DOCK9: variants seen among roughly 807,000 people sequenced by gnomAD.
DOCK9 encodes the protein dedicator of cytokinesis protein 9.
In DOCK9, 89 loss-of-function variants were observed where a neutral mutation model predicts 263.3. The observed-to-expected ratio is 0.34, with a 90% CI of 0.28 to 0.40. The LOEUF (loss-of-function observed/expected upper bound fraction) is 0.40, where lower values mean the gene tolerates loss of function less well. DOCK9 is among the 10% of genes least tolerant of loss of function. The probability of loss-of-function intolerance (pLI) is 1.00; values close to 1 mark genes in which losing one functional copy is unlikely to be tolerated. For missense variants in DOCK9, 2,140 were observed against 2,603.4 expected, an observed-to-expected ratio of 0.82 and a Z score of 3.87; for synonymous variants, 976 against 973.1, an observed-to-expected ratio of 1.00 and a Z score of -0.06.
At chr13:99,066,000 T>G (rs2041399319) in intron 1 of DOCK9, among the ~76,000 whole-genome samples, 1 of 152,272 alleles carries the variant, frequency 6.6e-6, no homozygotes, top group Admixed American at 6.5e-5. Context: ...TGTGCATGCT[T>G]ATTTGTTTGC....
At chr13:98,907,590 T>C (rs1216606106) in intron 9 of DOCK9, among the ~76,000 whole-genome samples, 7 of 152,226 alleles carry the variant, frequency 4.6e-5, no homozygotes, top group Non-Finnish European at 1.5e-5. Flanking sequence ...ACATCATTTA[T>C]TGGAAAAGAA....
chr13:98,966,208 G>A (rs2059176210), intron 1 of DOCK9, among the ~76,000 whole-genome samples: 1 of 152,240 alleles, frequency 6.6e-6, no homozygotes, highest in Non-Finnish European at 1.5e-5. Flanking sequence ...CATGAGGAGA[G>A]AGCTAGGTGG....
chr13:99,053,977 C>T (rs1426077715), intron 1 of DOCK9, among the ~76,000 whole-genome samples: 1 of 152,102 alleles, frequency 6.6e-6, no homozygotes, highest in Non-Finnish European at 1.5e-5. Flanking sequence ...AGAAGATTAT[C>T]TGCCTAACAC....
At chr13:99,000,808 T>C (rs1025173470) in intron 1 of DOCK9, among the ~76,000 whole-genome samples, 1 of 152,134 alleles carries the variant, frequency 6.6e-6, no homozygotes, top group Non-Finnish European at 1.5e-5. Flanking sequence ...ATTTTTACCA[T>C]AGTGTGATTT....
At chr13:98,811,424 G>GTT (rs34613809) in intron 45 of DOCK9, among the ~76,000 whole-genome samples, 73 of 149,952 alleles carry the variant, frequency 4.9e-4, no homozygotes, top group African/African-American at 1.1e-3. Context: ...TGTCTCTAGG[G>GTT]TTTTTTTTTT....
intron 39 of DOCK9, 87 bp downstream of exon 39, chr13:98,837,407 C>T: frequency 1.2e-6 from 1 of 842,988 alleles, no homozygotes; most frequent in Non-Finnish European, 1.9e-6. Context: ...AAAAATGCAA[C>T]ATAGTAAGTT....
In DOCK9 at chr13:98,888,689, G is replaced by C. The variant is rs1348933985; in HGVS notation, c.1732C>G (p.Pro578Ala). The change falls in exon 16 of 53, where the codon CCA (proline) becomes GCA (alanine). Residue 578 changes from proline (P) to alanine (A), a missense_variant. Transcript: ENST00000682017. ...ATGTCTAGATTGCCTAAAATCACTG[G>C]GAGCTTAGCCATCTTCTCAGGTCTG... Reference protein sequence around the residue: ...FRKPEKMAKLPVILGNLDITI... With the variant: ...FRKPEKMAKLAVILGNLDITI... 1 of 1,613,580 alleles carries C rather than the reference G, an allele frequency of 6.2e-7. No individual in the cohort carries two copies. Among genetic ancestry groups the C allele is most frequent in the East Asian group, 2.2e-5 (1 of 44,870 alleles).
In DOCK9 at chr13:99,074,277, G is replaced by A. The variant is rs370261546; in HGVS notation, c.129+11946C>T. The stretch of plus-strand genomic sequence containing the variant: ...ATATCAAGTAATTCAACTATTTCTT[G>A]TAATGTCATGACTTCTCTCTGTTTC... On this transcript the variant is annotated intron_variant, in intron 1 of 32. Coordinates refer to the DOCK9 transcript ENST00000427887. Among the ~76,000 whole-genome samples the A allele has an allele frequency of 1.6e-3, 243 of 152,360 alleles. 3 individuals are homozygous for A. Among genetic ancestry groups the A allele is most frequent in the South Asian group, 0.015 (71 of 4,830 alleles).
intron 47 of DOCK9, chr13:98,808,621 A>T (rs756421413): frequency 2.6e-6 from 4 of 1,552,766 alleles, no homozygotes; most frequent in Non-Finnish European, 3.5e-6. Context: ...CTTGCTTTTT[A>T]GGCATTTACT....
At chr13:99,013,180 T>G (rs113900440) in intron 1 of DOCK9, among the ~76,000 whole-genome samples, 1 of 152,174 alleles carries the variant, frequency 6.6e-6, no homozygotes, top group East Asian at 1.9e-4. Flanking sequence ...CACAGCTCAC[T>G]GTAAACTTGA....
intron 1 of DOCK9, among the ~76,000 whole-genome samples, chr13:98,995,483 T>C (rs1272607081): frequency 1.6e-5 from 2 of 123,216 alleles, no homozygotes; most frequent in East Asian, 2.8e-4. Flanking sequence ...TTGAGGAAGA[T>C]ACTTTTTTTT....
rs186895143 is a variant in DOCK9, at chr13:98,930,895, C to T, written c.244-638G>A. Reference sequence around the variant, plus strand: ...CTAATCTCAGGTGATCCACCCGCCTCGGCCTCCCAAAGTGCTGGGATTACA... The same window carrying T: ...CTAATCTCAGGTGATCCACCCGCCTTGGCCTCCCAAAGTGCTGGGATTACA... On this transcript the variant is annotated intron_variant, in intron 2 of 52. Coordinates refer to ENST00000682017, the MANE Select transcript of DOCK9 (RefSeq NM_001366683.2). 6.6e-5 allele frequency among the ~76,000 whole-genome samples: 10 copies of T among 152,328 alleles called. No individual in the cohort carries two copies. The East Asian group carries it at 1.4e-3, about 21-fold the overall frequency.
At chr13:98,946,007 T>G (rs2056649404) in intron 2 of DOCK9, among the ~76,000 whole-genome samples, 1 of 151,144 alleles carries the variant, frequency 6.6e-6, no homozygotes, top group Admixed American at 6.6e-5. Flanking sequence ...GTAAAGAATT[T>G]CCAGGGACAG....
chr13:98,875,882 G>C (rs1300423213), intron 27 of DOCK9, among the ~76,000 whole-genome samples: 1 of 152,150 alleles, frequency 6.6e-6, no homozygotes, highest in Admixed American at 6.5e-5. Flanking sequence ...CTCAGTAAAT[G>C]TAACAATGTA....
rs1387628626 is a variant in DOCK9 at position 98,794,694 on chromosome 13, T to G, written c.6211A>C (p.Asn2071His). The G allele has an allele frequency of 8.1e-6, 13 of 1,613,742 alleles. No homozygotes were observed. Among genetic ancestry groups the G allele is most frequent in the Non-Finnish European group, 1.1e-5 (13 of 1,179,874 alleles). The stretch of plus-strand genomic sequence containing the variant: ...CTTGTTGGAGTCCCACTGATGGCGT[T>G]GAAGATGTGAAGGGAATTCGGTAAG... ...SVLPNSLHIF[N>H]AISGTPTSTM... Residue 2071 changes from asparagine (N) to histidine (H), a missense_variant, in exon 53 of 53, where the codon AAC becomes CAC. Physicochemically the swap from Asn to His is moderately conservative, Grantham distance 68 (BLOSUM62 1). Around this residue, in one of 2 missense-constraint regions of DOCK9, gnomAD observed 619 missense variants for 861.8 expected, o/e 0.72. Transcript: ENST00000682017.
chr13:99,042,369 GAC>G (rs762143084), intron 1 of DOCK9, among the ~76,000 whole-genome samples: 1 of 152,290 alleles, frequency 6.6e-6, no homozygotes, highest in Non-Finnish European at 1.5e-5. Flanking sequence ...CCAGCGCAAG[GAC>G]ACTGTCCAGC....
At chr13:98,949,898 C>T in intron 2 of DOCK9, 2 of 475,958 alleles carry the variant, frequency 4.2e-6, no homozygotes, top group Admixed American at 4.5e-5. Context: ...TGAGGTCTCC[C>T]AGGCAAATGA....
rs755518048 is a variant in DOCK9, at chr13:98,886,533, T to C, written c.2135A>G (p.Glu712Gly). ...HHHQNPEFYDEIKIELPTQLH... is the reference protein window; with the variant it reads ...HHHQNPEFYDGIKIELPTQLH... ...TTTTCCCTTAAAAACATCACTTACC[T>C]CATCATAAAATTCTGGGTTTTGGTG... Residue 712 changes from glutamate (E) to glycine (G), a missense_variant and splice_region_variant, in exon 19 of 53, where the codon GAG becomes GGG. Physicochemically the swap from Glu to Gly is moderately conservative, Grantham distance 98. Transcript: ENST00000682017. 1 of 1,613,520 alleles carries C rather than the reference T, an allele frequency of 6.2e-7. No individual in the cohort carries two copies. The highest frequency in any genetic ancestry group is 8.5e-7 in the Non-Finnish European group (1 of 1,179,552).
intron 9 of DOCK9, among the ~76,000 whole-genome samples, chr13:98,906,793 G>A (rs1405847255): frequency 6.6e-6 from 1 of 152,038 alleles, no homozygotes; most frequent in Non-Finnish European, 1.5e-5. Context: ...ATATAAAATG[G>A]GCACCAGAAT....
Sources: gnomAD v4.1 joint callset for allele counts (sites outside exome capture counted in the v4.1 genomes callset) on GRCh38, gnomAD v4.1.1 for gene constraint, gnomAD v4.1.1 regional missense constraint, MANE v1.5 for transcripts, NCBI Gene and HGNC (gene_info 2026-07-23, HGNC 2026-07-21) for gene names.